The following EYS variants were observed in gnomAD, a reference collection of about 807,000 sequenced individuals.
EYS encodes the protein EGF-like photoreceptor maintenance factor.
In EYS, 250 loss-of-function variants were observed where a neutral mutation model predicts 282.1. That is an observed-to-expected ratio of 0.89 (90% CI 0.80 to 0.98). The LOEUF (loss-of-function observed/expected upper bound fraction) is 0.98. EYS is among the 50% of genes least tolerant of loss of function. The probability of loss-of-function intolerance (pLI) is 0.00; values close to 1 mark genes in which losing one functional copy is unlikely to be tolerated. For synonymous variants in EYS, 1,355 were observed against 1,282.9 expected, an observed-to-expected ratio of 1.06 and a Z score of -1.20; for missense variants, 4,016 against 3,709.0, an observed-to-expected ratio of 1.08 and a Z score of -2.15.
intron 30 of EYS, among the ~76,000 whole-genome samples, chr6:64,300,998 A>G (rs1157701700): frequency 2.0e-5 from 3 of 152,212 alleles, no homozygotes; most frequent in Non-Finnish European, 4.4e-5. Flanking sequence ...TTTATGGATG[A>G]TGTTTTACTA....
At chr6:65,672,262 G>T (rs2149833146) in intron 1 of EYS, among the ~76,000 whole-genome samples, 1 of 152,188 alleles carries the variant, frequency 6.6e-6, no homozygotes, top group African/African-American at 2.4e-5. Flanking sequence ...AAGGGAGCTG[G>T]CATACTCTAA....
At chr6:63,736,562 C>T (rs181646734) in intron 41 of EYS, among the ~76,000 whole-genome samples, 10,086 of 152,000 alleles carry the variant, frequency 0.066, 462 homozygotes, top group East Asian at 0.16. Flanking sequence ...ATTGACTTGG[C>T]GATGCGGGCT....
intron 29 of EYS, among the ~76,000 whole-genome samples, chr6:64,341,393 G>A (rs1457254097): frequency 6.6e-6 from 1 of 151,820 alleles, no homozygotes; most frequent in African/African-American, 2.4e-5. Flanking sequence ...GTCCTTTGCA[G>A]CAGCATGGAT....
In EYS at chr6:64,553,554, C is replaced by A. The variant is rs926334661; in HGVS notation, c.5644+36669G>T. On this transcript the variant is annotated intron_variant, in intron 26 of 42. Transcript: ENST00000503581. ...CTGTGACTTTTGTTTGACCCCCCCC[C>A]CCCCATAGGCAGTTACAAGGCAAAT... is the stretch of plus-strand genomic sequence containing the variant. 2.2e-5 allele frequency among the ~76,000 whole-genome samples: 3 copies of A among 136,208 alleles called. 1 individual carries two copies. Among genetic ancestry groups the A allele is most frequent in the Admixed American group, 7.6e-5 (1 of 13,194 alleles). 89.4% of individuals were successfully genotyped at this position (136,208 alleles called of 152,430 possible).
intron 26 of EYS, among the ~76,000 whole-genome samples, chr6:64,549,529 G>T (rs981086869): frequency 5.3e-5 from 8 of 152,114 alleles, no homozygotes; most frequent in African/African-American, 1.7e-4. Flanking sequence ...AATTCTTTCT[G>T]CAACAGTTAT....
chr6:65,399,501 A>G (rs1054084926), intron 7 of EYS, among the ~76,000 whole-genome samples: 1 of 152,046 alleles, frequency 6.6e-6, no homozygotes, highest in African/African-American at 2.4e-5. Flanking sequence ...TTCTTCTTGA[A>G]TATCTTACAG....
At chr6:65,387,612 C>T (rs1243044522) in intron 7 of EYS, among the ~76,000 whole-genome samples, 2 of 151,658 alleles carry the variant, frequency 1.3e-5, no homozygotes, top group Non-Finnish European at 1.5e-5. Context: ...TGGAAGTATA[C>T]TTTTGCTTAA....
In EYS at chr6:65,353,438, A is replaced by T. The variant is rs115475187; in HGVS notation, c.1459+20T>A. ...TGAAATGATTCAAGCAGATTGAAAA[A>T]AATTACATAAATTTGTTACCTGCAA... On this transcript the variant is annotated intron_variant, in intron 9 of 42. Coordinates refer to ENST00000503581, the MANE Select transcript of EYS (RefSeq NM_001142800.2). 2.5e-3 allele frequency: 4,067 copies of T among 1,611,514 alleles called. 89 individuals carry two copies. In the African/African-American group the frequency reaches 0.048, roughly 19 times the overall value.
intron 40 of EYS, among the ~76,000 whole-genome samples, chr6:63,776,414 A>G (rs1490913517): frequency 1.3e-5 from 2 of 151,960 alleles, no homozygotes; most frequent in South Asian, 4.1e-4. Flanking sequence ...CTGCTGTACT[A>G]CTCACAGGGT....
chr6:64,954,571 A>C (rs953428579), intron 14 of EYS, among the ~76,000 whole-genome samples: 7 of 152,198 alleles, frequency 4.6e-5, no homozygotes, highest in African/African-American at 7.2e-5. Flanking sequence ...GGAGCATTAC[A>C]TGTTTTGGTC....
chr6:65,090,008 A>AC (rs1561960493), intron 12 of EYS, among the ~76,000 whole-genome samples: 6 of 106,206 alleles, frequency 5.6e-5, no homozygotes, highest in African/African-American at 2.1e-4. Flanking sequence ...CACACACACA[A>AC]ACACACACAC....
chr6:65,555,009 GAA>G lies in EYS; in HGVS notation c.-332-59018_-332-59017del, dbSNP rs5876972. Reference sequence around the variant, plus strand: ...ATTTTGTACTGTAACTTTACACAAGGAAAAAAAAAAAGAAACAATTCAAATTG... The same window carrying G: ...ATTTTGTACTGTAACTTTACACAAGGAAAAAAAAAGAAACAATTCAAATTG... On this transcript the variant is annotated intron_variant, in intron 2 of 42. Coordinates refer to ENST00000503581, the MANE Select transcript of EYS (RefSeq NM_001142800.2). Among the ~76,000 whole-genome samples the G allele has an allele frequency of 4.5e-3, 675 of 148,358 alleles. 6 individuals are homozygous for G. Among genetic ancestry groups the G allele is most frequent in the African/African-American group, 0.014 (582 of 40,466 alleles).
chr6:65,701,363 G>T (rs1235027299), intron 1 of EYS, among the ~76,000 whole-genome samples: 2 of 152,080 alleles, frequency 1.3e-5, no homozygotes, highest in African/African-American at 4.8e-5. Context: ...AATACTGGGA[G>T]AAATAACATG....
chr6:64,273,385 T>C (rs1372387006), intron 30 of EYS, among the ~76,000 whole-genome samples: 1 of 152,212 alleles, frequency 6.6e-6, no homozygotes, highest in Non-Finnish European at 1.5e-5. Context: ...AGTAATCATC[T>C]GCAATCTAAT....
intron 26 of EYS, among the ~76,000 whole-genome samples, chr6:64,587,390 G>A (rs751485842): frequency 1.8e-4 from 28 of 152,038 alleles, no homozygotes; most frequent in African/African-American, 5.5e-4. Flanking sequence ...GCAGTGTCAC[G>A]GAAACCATTA....
intron 34 of EYS, among the ~76,000 whole-genome samples, chr6:63,998,606 T>C (rs1367887448): frequency 1.3e-5 from 2 of 152,192 alleles, no homozygotes; most frequent in Admixed American, 1.3e-4. Flanking sequence ...TCTGGAGGGA[T>C]AGACATTCTC....
At chr6:65,126,914 T>C (rs563838399) in intron 12 of EYS, among the ~76,000 whole-genome samples, 3 of 152,252 alleles carry the variant, frequency 2.0e-5, no homozygotes, top group South Asian at 4.1e-4. Context: ...CTGAAAGCTG[T>C]TGACCTGAGG....
chr6:64,203,034 T>C (rs886068816), intron 31 of EYS, among the ~76,000 whole-genome samples: 4 of 152,080 alleles, frequency 2.6e-5, no homozygotes, highest in Non-Finnish European at 4.4e-5. Context: ...TAATACAGAG[T>C]CAAAGACCTG....
chr6:65,191,628 G>T (rs1223969420), intron 12 of EYS, among the ~76,000 whole-genome samples: 1 of 151,786 alleles, frequency 6.6e-6, no homozygotes, highest in African/African-American at 2.4e-5. Flanking sequence ...TAAAAATTAC[G>T]CATGCATCAC....
Sources: gnomAD v4.1 joint callset for allele counts (sites outside exome capture counted in the v4.1 genomes callset) on GRCh38, gnomAD v4.1.1 for gene constraint, MANE v1.5 for transcripts, NCBI Gene and HGNC (gene_info 2026-07-23, HGNC 2026-07-21) for gene names.